The following IQCN variants were observed in gnomAD, a reference collection of about 807,000 sequenced individuals.
The protein encoded by IQCN is IQ domain-containing protein N.
IQCN carries 46 observed loss-of-function variants against 64.4 expected under a neutral mutation model. The observed-to-expected ratio is 0.71, with a 90% confidence interval of 0.56 to 0.91. The LOEUF (loss-of-function observed/expected upper bound fraction) is 0.91, where lower values mean the gene tolerates loss of function less well. Ranked by LOEUF, IQCN falls within the 40% of genes least tolerant of loss-of-function variation. The pLI, the probability that IQCN is intolerant of heterozygous loss-of-function variation, is 0.00. For synonymous variants in IQCN, 733 were observed against 775.6 expected, an observed-to-expected ratio of 0.95 and a Z score of 0.91; for missense variants, 1,753 against 1,857.4, an observed-to-expected ratio of 0.94 and a Z score of 1.03.
At chr19:18,273,602 C>T (rs981470452) in intron 1 of IQCN, among the ~76,000 whole-genome samples, 1 of 150,944 alleles carries the variant, frequency 6.6e-6, no homozygotes, top group Non-Finnish European at 1.5e-5. Flanking sequence ...AAAGTGCTGG[C>T]GTTACAGGCG....
chr19:18,258,535 G>T, intron 3 of IQCN: 2 of 419,496 alleles, frequency 4.8e-6, no homozygotes, highest in Non-Finnish European at 9.6e-6. Flanking sequence ...ACTGTTTTCT[G>T]GAGTGGATTG....
chr19:18,272,146 CTT>C (rs1314091715), intron 1 of IQCN, among the ~76,000 whole-genome samples: 5 of 113,022 alleles, frequency 4.4e-5, no homozygotes, highest in Non-Finnish European at 9.1e-5. Flanking sequence ...TTCTCTCTCT[CTT>C]TTGAGTTTTG....
At chr19:18,270,910 A>G (rs1446865008) in intron 1 of IQCN, among the ~76,000 whole-genome samples, 1 of 151,894 alleles carries the variant, frequency 6.6e-6, no homozygotes, top group African/African-American at 2.4e-5. Context: ...ATGGTGGCTC[A>G]CACCTGTCAT....
intron 1 of IQCN, among the ~76,000 whole-genome samples, chr19:18,272,613 C>CTTTT (rs56180429): frequency 7.0e-6 from 1 of 142,758 alleles, no homozygotes; most frequent in African/African-American, 2.6e-5. Context: ...ATTGTGCTCA[C>CTTTT]TTTTTTTTTT....
intron 3 of IQCN, chr19:18,260,156 A>G (rs903973032): frequency 1.3e-5 from 2 of 152,662 alleles, no homozygotes; most frequent in South Asian, 4.1e-4. Context: ...CAGAGGGTGG[A>G]CACACATGCC....
chr19:18,263,519 A>G (rs1178858040), intron 3 of IQCN, among the ~76,000 whole-genome samples: 1 of 152,190 alleles, frequency 6.6e-6, no homozygotes, highest in East Asian at 1.9e-4. Context: ...TGCCGGGGGA[A>G]GCTTGAAACA....
Position 18,265,376 on chromosome 19 carries a change from G to A in IQCN, c.2164C>T (p.Leu722=). Residue 722 remains leucine (L), a synonymous_variant, in exon 3 of 4, where the codon CTG becomes TTG. Transcript: ENST00000392413. This position sits in a 1 kb window ranked among gnomAD's most constrained non-coding sequence, Gnocchi z 4.7. ...CLSKMHSQTH[L]ATGAVKVQSQ... ...TGGACCTTCACGGCACCTGTGGCCA[G>A]ATGTGTCTGGGAATGCATCTTGCTC... 2 of 1,614,216 alleles carry A rather than the reference G, an allele frequency of 1.2e-6. No individual in the cohort carries two copies. The highest frequency in any genetic ancestry group is 2.2e-5 in the East Asian group (1 of 44,884).
At chr19:18,268,183 T>C (rs932522076) in intron 2 of IQCN, among the ~76,000 whole-genome samples, 37 of 138,186 alleles carry the variant, frequency 2.7e-4, no homozygotes, top group African/African-American at 1.0e-3. Context: ...TCTGTGTGTG[T>C]GTGTGTGTGT....
rs769789920 is a variant in IQCN, at chr19:18,264,157, G to T, written c.3177+206C>A. On this transcript the variant is annotated intron_variant, in intron 3 of 3. Coordinates refer to ENST00000392413, the MANE Select transcript of IQCN (RefSeq NM_001145304.2). This position sits in a 1 kb window ranked among gnomAD's most constrained non-coding sequence, Gnocchi z 4.3. ...TCCCTGCTGGACTCCATCATCTCCC[G>T]GGACAGCATGGGATACAGGCCAGTG... Among the ~76,000 whole-genome samples, 3 of 152,082 alleles carry T rather than the reference G, an allele frequency of 2.0e-5. No individual in the cohort carries two copies. The highest frequency in any genetic ancestry group is 7.3e-5 in the African/African-American group (3 of 41,374).
At position 18,267,460 on chromosome 19, in the gene IQCN, A is replaced by G. The variant is rs1285906934; in HGVS notation, c.80T>C (p.Val27Ala). 1.3e-6 allele frequency: 2 copies of G among 1,543,322 alleles called. No homozygotes were observed. The highest frequency in any genetic ancestry group is 2.0e-5 in the Admixed American group (1 of 49,388). The change falls in exon 3 of 4, where the codon GTT becomes GCT. Residue 27 changes from valine to alanine, a missense_variant. Transcript: ENST00000392413. ...AGRLATVHEP[V>A]VTQWAVHPPA... The stretch of plus-strand genomic sequence containing the variant: ...AGGATGCACCGCCCACTGGGTGACA[A>G]CTGGCTCGTGAACTGTAGCTAGGCG...
At position 18,265,844 on chromosome 19, in the gene IQCN, C is replaced by G. The variant is rs1969559661; in HGVS notation, c.1696G>C (p.Val566Leu). The part of the protein sequence containing the change: ...ATVNVKQAAK[V>L]VKASSPSYLA... The stretch of plus-strand genomic sequence containing the variant: ...TAGGAGGGGGATGAGGCTTTCACCA[C>G]CTTTGCAGCCTGCTTCACATTCACG... Residue 566 changes from valine to leucine, a missense_variant, in exon 3 of 4, where the codon GTG becomes CTG. Physicochemically the swap from Val to Leu is conservative, Grantham distance 32. Coordinates refer to ENST00000392413, the MANE Select transcript of IQCN (RefSeq NM_001145304.2). The surrounding 1 kb of genome is among the most constrained non-coding windows in gnomAD (Gnocchi z 4.7). The G allele has an allele frequency of 2.5e-6, 4 of 1,614,156 alleles. No homozygotes were observed. The highest frequency in any genetic ancestry group is 2.7e-5 in the African/African-American group (2 of 75,046).
chr19:18,271,218 C>T (rs1437098192), intron 1 of IQCN, among the ~76,000 whole-genome samples: 1 of 149,414 alleles, frequency 6.7e-6, no homozygotes, highest in Non-Finnish European at 1.5e-5. Flanking sequence ...GCCTGTAATC[C>T]CAGTGCTTTG....
At position 18,265,665 on chromosome 19, in the gene IQCN, T is replaced by C. The variant is rs1394894968; in HGVS notation, c.1875A>G (p.Ala625=). ...KTDMAFKTSV[A]VEMAGAPSWT... ...AGGATGGAGCCCCAGCCATTTCCAC[T>C]GCCACACTGGTCTTAAATGCCATGT... Residue 625 remains alanine (A), a synonymous_variant, in exon 3 of 4, where the codon GCA becomes GCG. Coordinates refer to ENST00000392413, the MANE Select transcript of IQCN (RefSeq NM_001145304.2). The surrounding 1 kb of genome is among the most constrained non-coding windows in gnomAD (Gnocchi z 4.7). 2 of 1,614,038 alleles carry C rather than the reference T, an allele frequency of 1.2e-6. No homozygotes were observed. Among genetic ancestry groups the C allele is most frequent in the African/African-American group, 2.7e-5 (2 of 74,904 alleles).
Position 18,266,845 on chromosome 19 carries a change from A to C in IQCN, c.695T>G (p.Val232Gly). The change falls in exon 3 of 4, where the codon GTC becomes GGC. Residue 232 changes from valine to glycine, a missense_variant. By Grantham distance (109) the Val-to-Gly change is moderately radical. Coordinates refer to ENST00000392413, the MANE Select transcript of IQCN (RefSeq NM_001145304.2). The surrounding 1 kb of genome is among the most constrained non-coding windows in gnomAD (Gnocchi z 4.3). ...GTGTGGCAGGAAGGCCAGCCCCCGG[A>C]CTCTGGCAGCATGAGGACCCTGCAC... is the stretch of plus-strand genomic sequence containing the variant. ...PCVQGPHAAR[V>G]RGLAFLPHQT... 1 of 1,613,714 alleles carries C rather than the reference A, an allele frequency of 6.2e-7. No individual in the cohort carries two copies. The highest frequency in any genetic ancestry group is 8.5e-7 in the Non-Finnish European group (1 of 1,179,838).
Position 18,264,848 on chromosome 19 carries a change from AC to A in IQCN, c.2691del (p.Leu898TrpfsTer14). The A allele has an allele frequency of 6.3e-7, 1 of 1,594,786 alleles. No homozygotes were observed. Among genetic ancestry groups the A allele is most frequent in the Non-Finnish European group, 8.5e-7 (1 of 1,171,026 alleles). ...VLASQEDLRT[L>X]LAKALSQGEV... ...TCTCCCTGGGAGAGGGCTTTGGCCA[AC>A]AGAGTGCGGAGATCCTCCTGGGATG... On this transcript the variant is annotated frameshift_variant, in exon 3 of 4. Coordinates refer to ENST00000392413, the MANE Select transcript of IQCN (RefSeq NM_001145304.2). LOFTEE classifies it high-confidence loss of function. The surrounding 1 kb of genome is among the most constrained non-coding windows in gnomAD (Gnocchi z 4.3).
chr19:18,273,274 C>T (rs558911978), intron 1 of IQCN, among the ~76,000 whole-genome samples: 164 of 151,958 alleles, frequency 1.1e-3, no homozygotes, highest in Non-Finnish European at 1.8e-3. Context: ...TCAAGTGATC[C>T]GCCCGCCTCG....
In IQCN at chr19:18,267,634, G is replaced by A. The variant is rs530796438; in HGVS notation, c.14-108C>T. On this transcript the variant is annotated intron_variant, in intron 2 of 3. Coordinates refer to ENST00000392413, the MANE Select transcript of IQCN (RefSeq NM_001145304.2). ...CAGGCCCAGATCTTGTTCCTGGCAC[G>A]TTGCGATCTTCCGCCTCCCTTTTTC... 118 of 1,360,294 alleles carry A rather than the reference G, an allele frequency of 8.7e-5. 1 individual carries two copies. The South Asian group carries it at 1.5e-3, about 17-fold the overall frequency. The allele number at this position is 1,360,294 out of a possible 1,614,324, so 84.3% of individuals were successfully genotyped here.
rs139912303 is a variant in IQCN at position 18,257,524 on chromosome 19, G to A, written c.3760C>T (p.Arg1254Cys). 5.4e-5 allele frequency: 87 copies of A among 1,611,436 alleles called. No homozygotes were observed. In the African/African-American group the frequency reaches 8.3e-4, roughly 15 times the overall value. Reference protein sequence around the residue: ...SVVMLVGSSPRTCHTCGRTQP... With the variant: ...SVVMLVGSSPCTCHTCGRTQP... ...GTGCGTCCACAGGTATGACAGGTGC[G>A]AGGGCTGGAGCCCACTAGCATCACC... Residue 1254 changes from arginine to cysteine, a missense_variant, in exon 4 of 4, where the codon CGC becomes TGC. Coordinates refer to ENST00000392413, the MANE Select transcript of IQCN (RefSeq NM_001145304.2).
chr19:18,263,820 G>A (rs1969482585), intron 3 of IQCN, among the ~76,000 whole-genome samples: 2 of 152,160 alleles, frequency 1.3e-5, no homozygotes, highest in Admixed American at 6.5e-5. Context: ...CACGCTGCAA[G>A]GAAGCCTACC....
Sources: gnomAD v4.1 joint callset for allele counts (sites outside exome capture counted in the v4.1 genomes callset) on GRCh38, gnomAD v4.1.1 for gene constraint, Gnocchi (gnomAD v3.1) non-coding constraint, MANE v1.5 for transcripts, NCBI Gene and HGNC (gene_info 2026-07-23, HGNC 2026-07-21) for gene names.